IGF2R: variants seen among roughly 807,000 people sequenced by gnomAD.
IGF2R encodes the protein cation-independent mannose-6-phosphate receptor.
IGF2R carries 91 observed loss-of-function variants against 270.6 expected under a neutral mutation model. The observed-to-expected ratio is 0.34, with a 90% CI of 0.28 to 0.40. The LOEUF is 0.40. Ranked by LOEUF, IGF2R falls within the 10% of genes least tolerant of loss-of-function variation. The pLI is 1.00. For synonymous variants in IGF2R, 1,316 were observed against 1,258.9 expected (o/e 1.05, Z -0.96); for missense variants, 2,805 against 3,188.3 (o/e 0.88, Z 2.90).
chr6:160,033,450 T>C (rs1777745305), intron 9 of IGF2R, among the ~76,000 whole-genome samples: 1 of 152,254 alleles, frequency 6.6e-6, no homozygotes, highest in Non-Finnish European at 1.5e-5. Flanking sequence ...AATTTTCAAG[T>C]GCGTTGTGTG....
At chr6:160,025,733 GA>G (rs1473440250) in intron 5 of IGF2R, among the ~76,000 whole-genome samples, 1 of 152,054 alleles carries the variant, frequency 6.6e-6, no homozygotes, top group Non-Finnish European at 1.5e-5. Context: ...AACCTTTATT[GA>G]TTTTTTGGAA....
chr6:160,063,729 A>G, intron 27 of IGF2R, 99 bp downstream of exon 27: 2 of 798,736 alleles, frequency 2.5e-6, no homozygotes, highest in Non-Finnish European at 4.0e-6. Context: ...CAGAAACATG[A>G]GTGTTCTACT....
chr6:160,080,406 C>G, intron 39 of IGF2R, 131 bp downstream of exon 39: 3 of 919,396 alleles, frequency 3.3e-6, no homozygotes, highest in African/African-American at 1.7e-5. Context: ...TTTTCTTACT[C>G]GGGCTGTTTC....
intron 44 of IGF2R, among the ~76,000 whole-genome samples, chr6:160,092,842 C>T (rs983693284): frequency 2.0e-5 from 3 of 152,226 alleles, no homozygotes; most frequent in African/African-American, 4.8e-5. Context: ...TTCCTGGCAC[C>T]CAGCAGCACC....
intron 44 of IGF2R, among the ~76,000 whole-genome samples, chr6:160,091,565 C>G (rs528765923): frequency 6.6e-6 from 1 of 152,348 alleles, no homozygotes; most frequent in South Asian, 2.1e-4. Flanking sequence ...GTTCTGCTTT[C>G]TGGGTGAGTT....
intron 18 of IGF2R, among the ~76,000 whole-genome samples, chr6:160,049,187 C>T (rs1250839603): frequency 6.6e-6 from 1 of 152,112 alleles, no homozygotes; most frequent in African/African-American, 2.4e-5. Flanking sequence ...GGTTAGGAAT[C>T]GAGTTCCTGG....
chr6:160,059,642 G>A (rs1041033452), intron 22 of IGF2R, among the ~76,000 whole-genome samples: 2 of 152,196 alleles, frequency 1.3e-5, no homozygotes, highest in African/African-American at 4.8e-5. Flanking sequence ...GCCCTCGGAG[G>A]CTCTGCACTG....
intron 29 of IGF2R, among the ~76,000 whole-genome samples, chr6:160,066,237 G>T (rs976281133): frequency 6.6e-6 from 1 of 151,880 alleles, no homozygotes; most frequent in Non-Finnish European, 1.5e-5. Context: ...GGCTGGTCTC[G>T]AACTCTTGAC....
chr6:160,065,769 T>G, intron 29 of IGF2R, among the ~76,000 whole-genome samples: 1 of 144,254 alleles, frequency 6.9e-6, no homozygotes. Flanking sequence ...GCATTTTTCC[T>G]AGAGATATGT....
chr6:160,059,111 C>T lies in IGF2R; in HGVS notation c.3091+13C>T, dbSNP rs1033295839. On this transcript the variant is annotated intron_variant, in intron 22 of 47. Coordinates refer to ENST00000356956, the MANE Select transcript of IGF2R (RefSeq NM_000876.4). ...CTCTCTGCCAAAGGTGAGCTCAGAG[C>T]CATGTTGTTTTGTAGCTAAAAAGGG... The T allele has an allele frequency of 6.2e-7, 1 of 1,609,206 alleles. No homozygotes were observed. The highest frequency in any genetic ancestry group is 1.3e-5 in the African/African-American group (1 of 74,732).
rs755746341 is a variant in IGF2R at position 160,102,699 on chromosome 6, C to T, written c.6995+28C>T. 1.3e-5 allele frequency: 20 copies of T among 1,561,004 alleles called. No homozygotes were observed. The highest frequency in any genetic ancestry group is 1.0e-4 in the South Asian group (9 of 86,868). ...AAGCGGGTGGCAGGGCGAGGTGGGG[C>T]GGGTGGATGCATGCCTCCCATAGCT... is the stretch of plus-strand genomic sequence containing the variant. On this transcript the variant is annotated intron_variant, in intron 46 of 47. Transcript: ENST00000356956. The surrounding 1 kb of genome is among the most constrained non-coding windows in gnomAD (Gnocchi z 4.5).
chr6:160,047,942 G>GT, intron 17 of IGF2R, 35 bp downstream of exon 17: 1 of 1,331,200 alleles, frequency 7.5e-7, no homozygotes, highest in Non-Finnish European at 1.1e-6. Flanking sequence ...TTTTGGCCTG[G>GT]TACAGATGCT....
intron 1 of IGF2R, among the ~76,000 whole-genome samples, chr6:159,974,245 G>A (rs1356526990): frequency 6.6e-6 from 1 of 151,068 alleles, no homozygotes; most frequent in Admixed American, 6.6e-5. Flanking sequence ...TGTTGAGCAA[G>A]AAAGGAACAT....
At position 160,096,447 on chromosome 6, in the gene IGF2R, C is replaced by T; in HGVS notation, c.6664C>T (p.Leu2222Phe). 1.2e-6 allele frequency: 2 copies of T among 1,610,300 alleles called. No individual in the cohort carries two copies. Among genetic ancestry groups the T allele is most frequent in the Non-Finnish European group, 1.7e-6 (2 of 1,177,760 alleles). The change falls in exon 45 of 48, where the codon CTC (leucine) becomes TTC (phenylalanine). Residue 2222 changes from leucine (L) to phenylalanine (F), a missense_variant. This residue lies in a region of IGF2R where 1,851 missense variants were observed against 2,207.2 expected (regional missense o/e 0.84). Transcript: ENST00000356956. ...KTKYYLQDGD[L>F]DVVFASSSKC... The stretch of plus-strand genomic sequence containing the variant: ...CCCTTCCCGTTTGACAGACGGCGAT[C>T]TCGATGTCGTGTTTGCCTCTTCCTC...
chr6:160,055,869 G>A (rs1260127258), intron 19 of IGF2R, among the ~76,000 whole-genome samples: 1 of 152,184 alleles, frequency 6.6e-6, no homozygotes, highest in Non-Finnish European at 1.5e-5. Flanking sequence ...CTTTGGGGGA[G>A]CTTTTTATGG....
chr6:160,063,706 T>A, intron 27 of IGF2R, 76 bp downstream of exon 27: 4 of 1,101,280 alleles, frequency 3.6e-6, no homozygotes, highest in Non-Finnish European at 5.3e-6. Flanking sequence ...TGAAGATGAA[T>A]TTTCCCTTGA....
Position 160,057,959 on chromosome 6 carries a change from G to A in IGF2R, c.2797-64G>A, listed in dbSNP as rs145031510. 72 of 924,664 alleles carry A rather than the reference G, an allele frequency of 7.8e-5. No individual in the cohort carries two copies. In the African/African-American group the frequency reaches 1.0e-3, roughly 13 times the overall value. 57.3% of individuals were successfully genotyped at this position (924,664 alleles called of 1,614,324 possible). ...TTGCAGGTTTCTGGAGGTGCTGTATGTATGTTATGTTCCTGTGGAATTGGT... is the reference window on the plus strand; with the variant it reads ...TTGCAGGTTTCTGGAGGTGCTGTATATATGTTATGTTCCTGTGGAATTGGT... On this transcript the variant is annotated intron_variant, in intron 20 of 47. Coordinates refer to ENST00000356956, the MANE Select transcript of IGF2R (RefSeq NM_000876.4).
At chr6:160,060,122 C>T (rs1283455515) in intron 22 of IGF2R, among the ~76,000 whole-genome samples, 3 of 151,886 alleles carry the variant, frequency 2.0e-5, no homozygotes, top group East Asian at 1.9e-4. Context: ...CACAGGCCAC[C>T]GTTGCAGTGA....
At chr6:160,104,189 A>G (rs764921218) in intron 47 of IGF2R, among the ~76,000 whole-genome samples, 29 of 152,178 alleles carry the variant, frequency 1.9e-4, no homozygotes, top group Admixed American at 3.3e-4. Flanking sequence ...ATCTGGATCA[A>G]AGGACATAAT....
Sources: gnomAD v4.1 joint callset for allele counts (sites outside exome capture counted in the v4.1 genomes callset) on GRCh38, gnomAD v4.1.1 for gene constraint, gnomAD v4.1.1 regional missense constraint, Gnocchi (gnomAD v3.1) non-coding constraint, MANE v1.5 for transcripts, NCBI Gene and HGNC (gene_info 2026-07-23, HGNC 2026-07-21) for gene names.